PUM3: variants seen among roughly 807,000 people sequenced by gnomAD.
PUM3 encodes pumilio RNA binding family member 3.
PUM3 carries 91 observed loss-of-function variants against 84.0 expected under a neutral mutation model. The ratio of observed to expected loss-of-function variants is 1.08; its 90% CI spans 0.91 to 1.29. The LOEUF (loss-of-function observed/expected upper bound fraction) is 1.29, where lower values mean the gene tolerates loss of function less well. Among genes scored for constraint, PUM3 ranks in the 50% most tolerant of loss-of-function variants. The pLI is 0.00. For missense variants in PUM3, 1,067 were observed against 767.5 expected (o/e 1.39, Z -4.61); for synonymous variants, 321 against 266.7 (o/e 1.20, Z -1.98).
chr9:2,843,641 C>G (rs997681277), intron 1 of PUM3, among the ~76,000 whole-genome samples: 20 of 144,160 alleles, frequency 1.4e-4, no homozygotes, highest in African/African-American at 4.7e-4. Flanking sequence ...TGTAGTGGCA[C>G]GATCTTGGCT....
At chr9:2,821,588 T>C (rs1382336927) in intron 12 of PUM3, among the ~76,000 whole-genome samples, 2 of 152,046 alleles carry the variant, frequency 1.3e-5, no homozygotes, top group African/African-American at 2.4e-5. Flanking sequence ...CTATGGGTGA[T>C]GGTGAAAACC....
chr9:2,812,397 T>C (rs753755997), intron 13 of PUM3, 35 bp from the exon 14 acceptor site: 15 of 1,417,408 alleles, frequency 1.1e-5, no homozygotes, highest in Middle Eastern at 1.8e-4. Context: ...AGAATCAATA[T>C]CTGCATTCTC....
intron 13 of PUM3, among the ~76,000 whole-genome samples, chr9:2,817,005 A>T (rs945458611): frequency 1.3e-5 from 2 of 152,244 alleles, no homozygotes; most frequent in African/African-American, 4.8e-5. Context: ...GTAGTGGCTG[A>T]GTGGGAAATA....
chr9:2,830,987 T>C lies in PUM3; in HGVS notation c.652A>G (p.Ile218Val). 6.7e-7 allele frequency: 1 copy of C among 1,488,408 alleles called. No homozygotes were observed. The highest frequency in any genetic ancestry group is 9.3e-7 in the Non-Finnish European group (1 of 1,072,918). The allele number at this position is 1,488,408 out of a possible 1,614,324, so 92.2% of individuals were successfully genotyped here. A position where few individuals can be genotyped will look rare whatever the true frequency, so the allele number is the denominator to read the frequency against. The change falls in exon 7 of 18, where the codon ATT (isoleucine) becomes GTT (valine). Residue 218 changes from isoleucine (I) to valine (V), a missense_variant. Ile to Val is a conservative substitution (Grantham distance 29). Transcript: ENST00000397885. ...ELSKAKYSRN[I>V]VKKFLMYGSK... ...CCATACATGAGAAATTTCTTAACAA[T>C]ATTTCTCGAATATTTGGCTTTACTT...
At chr9:2,842,186 T>A (rs570294048) in intron 1 of PUM3, among the ~76,000 whole-genome samples, 1 of 152,240 alleles carries the variant, frequency 6.6e-6, no homozygotes, top group African/African-American at 2.4e-5. Flanking sequence ...TCACATTCAA[T>A]AGTGTCTCTT....
intron 8 of PUM3, among the ~76,000 whole-genome samples, chr9:2,829,078 G>C (rs930353384): frequency 2.0e-5 from 3 of 152,110 alleles, no homozygotes; most frequent in African/African-American, 4.8e-5. Context: ...ACAAATTCTT[G>C]CCACCATATG....
Position 2,824,816 on chromosome 9 carries a change from C to G in PUM3, c.1036-1G>C. ...CTTCGCGGATGGCTTCAATCATTTC[C>G]TAGGGAACAAATGCTGTCAGGAACA... On this transcript the variant is annotated splice_acceptor_variant, in intron 10 of 17. Transcript: ENST00000397885. LOFTEE classifies it high-confidence loss of function. The G allele has an allele frequency of 6.4e-7, 1 of 1,553,782 alleles. No homozygotes were observed.
At chr9:2,828,395 C>T (rs1815881043) in intron 9 of PUM3, 1 of 327,562 alleles carries the variant, frequency 3.1e-6, no homozygotes, top group Non-Finnish European at 5.6e-6. Context: ...GTATACATGG[C>T]TTCCATGTAA....
chr9:2,814,585 T>C (rs1821434581), intron 13 of PUM3, among the ~76,000 whole-genome samples: 1 of 152,184 alleles, frequency 6.6e-6, no homozygotes, highest in African/African-American at 2.4e-5. Flanking sequence ...TTAGTGTACC[T>C]TTAGGTACCT....
chr9:2,829,853 G>A lies in PUM3; in HGVS notation c.773C>T (p.Ala258Val), dbSNP rs757382214. 7.6e-5 allele frequency: 122 copies of A among 1,613,932 alleles called. No individual in the cohort carries two copies. Among genetic ancestry groups the A allele is most frequent in the Non-Finnish European group, 1.0e-4 (119 of 1,179,928 alleles). ...HAEASAIVEY[A>V]YNDKAILEQR... is the part of the protein sequence containing the mutation. ...CTCCAAAATGGCTTTGTCATTGTAT[G>A]CGTACTCCACGATGGCTGATGCTTC... Residue 258 changes from alanine to valine, a missense_variant, in exon 8 of 18, where the codon GCA (alanine) becomes GTA (valine). Physicochemically the swap from Ala to Val is moderately conservative, Grantham distance 64. Coordinates refer to ENST00000397885, the MANE Select transcript of PUM3 (RefSeq NM_014878.5).
intron 3 of PUM3, among the ~76,000 whole-genome samples, chr9:2,835,793 T>A (rs1816105116): frequency 6.6e-6 from 1 of 152,222 alleles, no homozygotes; most frequent in Admixed American, 6.5e-5. Context: ...ATCAGTCTAG[T>A]TACTGATACA....
chr9:2,814,934 T>C (rs1821442107), intron 13 of PUM3, among the ~76,000 whole-genome samples: 1 of 152,172 alleles, frequency 6.6e-6, no homozygotes, highest in Non-Finnish European at 1.5e-5. Context: ...TATTCCTCAA[T>C]ACACTGAGCT....
chr9:2,842,840 A>G (rs889450180), intron 1 of PUM3, among the ~76,000 whole-genome samples: 1 of 152,162 alleles, frequency 6.6e-6, no homozygotes, highest in Non-Finnish European at 1.5e-5. Flanking sequence ...TTTGCCCCAC[A>G]AACAACAATA....
intron 1 of PUM3, among the ~76,000 whole-genome samples, chr9:2,841,013 T>A (rs1238940149): frequency 6.6e-6 from 1 of 152,242 alleles, no homozygotes; most frequent in Non-Finnish European, 1.5e-5. Flanking sequence ...TTTTTATATC[T>A]ATTACAATAA....
intron 13 of PUM3, among the ~76,000 whole-genome samples, chr9:2,814,025 A>AT (rs1405241942): frequency 2.2e-5 from 1 of 45,146 alleles, no homozygotes; most frequent in Non-Finnish European, 4.2e-5. Context: ...TGTAACACAT[A>AT]AAAGTTTTCA....
rs1224267580 is a variant in PUM3 at position 2,837,194 on chromosome 9, T to C, written c.290A>G (p.Asp97Gly). The C allele has an allele frequency of 3.7e-6, 6 of 1,614,032 alleles. No individual in the cohort carries two copies. Among genetic ancestry groups the C allele is most frequent in the African/African-American group, 2.7e-5 (2 of 75,054 alleles). The change falls in exon 3 of 18, where the codon GAT (aspartate) becomes GGT (glycine). Residue 97 changes from aspartate (D) to glycine (G), a missense_variant. Coordinates refer to ENST00000397885, the MANE Select transcript of PUM3 (RefSeq NM_014878.5). ...KFNKKRKFQP[D>G]GRSDESAAKK... Reference sequence around the variant, plus strand: ...CCAGTACTTACCATCGCTTCTACCATCTGGCTGGAATTTTCTCTTCTTGTT... The same window carrying C: ...CCAGTACTTACCATCGCTTCTACCACCTGGCTGGAATTTTCTCTTCTTGTT...
intron 3 of PUM3, among the ~76,000 whole-genome samples, chr9:2,835,178 T>G (rs1816089910): frequency 6.6e-6 from 1 of 152,148 alleles, no homozygotes; most frequent in African/African-American, 2.4e-5. Flanking sequence ...TTTGGAAGGC[T>G]GAAGAAGAAG....
intron 1 of PUM3, among the ~76,000 whole-genome samples, chr9:2,843,415 C>G (rs1248720752): frequency 6.6e-6 from 1 of 152,064 alleles, no homozygotes; most frequent in Non-Finnish European, 1.5e-5. Context: ...AATCTGCGTA[C>G]ATTCAGGCAA....
At chr9:2,835,958 A>G (rs1023408993) in intron 3 of PUM3, among the ~76,000 whole-genome samples, 6 of 152,218 alleles carry the variant, frequency 3.9e-5, no homozygotes, top group African/African-American at 1.4e-4. Context: ...AGAGAAAGAA[A>G]GATTTGGGAT....
Sources: allele counts gnomAD v4.1 joint callset (sites outside exome capture counted in the v4.1 genomes callset), GRCh38; gene constraint gnomAD v4.1.1; transcripts MANE v1.5; gene names NCBI Gene and HGNC (gene_info 2026-07-23, HGNC 2026-07-21).